Variants in PCDHGB4 observed in about 807,000 individuals in gnomAD.
PCDHGB4 encodes protocadherin gamma-B4.
PCDHGB4 carries 38 observed loss-of-function variants against 60.5 expected under a neutral mutation model. The observed-to-expected ratio is 0.63, with a 90% CI of 0.48 to 0.82. PCDHGB4 has a LOEUF of 0.82. PCDHGB4 is among the 40% of genes least tolerant of loss of function. The probability of loss-of-function intolerance (pLI) is 0.00; values close to 1 mark genes in which losing one functional copy is unlikely to be tolerated. For synonymous variants in PCDHGB4, 456 were observed against 509.7 expected, an observed-to-expected ratio of 0.89 and a Z score of 1.42; for missense variants, 1,109 against 1,209.6, an observed-to-expected ratio of 0.92 and a Z score of 1.23.
intron 1 of PCDHGB4, chr5:141,409,073 A>G (rs200127436): frequency 6.2e-7 from 1 of 1,613,866 alleles, no homozygotes. Context: ...CACAAAACAT[A>G]TGTTCTCATT....
Position 141,400,130 on chromosome 5 carries a change from T to C in PCDHGB4, c.2397+9849T>C, listed in dbSNP as rs369250985. On this transcript the variant is annotated intron_variant, in intron 1 of 3. Transcript: ENST00000519479. ...TTTGCTGACAGCTTGCAGGAGGTGC[T>C]GCCGGATATCACTGACCGCCCTGTA... is the stretch of plus-strand genomic sequence containing the variant. The C allele has an allele frequency of 1.9e-6, 3 of 1,613,954 alleles. No individual in the cohort carries two copies. The African/African-American group carries it at 4.0e-5, about 22-fold the overall frequency.
intron 1 of PCDHGB4, chr5:141,411,948 G>A (rs2095525022): frequency 1.3e-5 from 2 of 152,152 alleles, no homozygotes. Flanking sequence ...GAAGATTTTT[G>A]AAGAAAAAAG....
intron 1 of PCDHGB4, chr5:141,408,721 C>T (rs994778084): frequency 6.2e-7 from 1 of 1,611,372 alleles, no homozygotes; most frequent in Non-Finnish European, 8.5e-7. Flanking sequence ...ATAAGATAAA[C>T]TCTAATCCTT....
At chr5:141,398,963 ATTCCT>A in intron 1 of PCDHGB4, 1 of 1,613,976 alleles carries the variant, frequency 6.2e-7, no homozygotes, top group Non-Finnish European at 8.5e-7. Flanking sequence ...GAAATTACTT[ATTCCT>A]TCTACAGAAC....
intron 1 of PCDHGB4, among the ~76,000 whole-genome samples, chr5:141,435,605 C>T (rs776926758): frequency 1.1e-4 from 17 of 152,134 alleles, no homozygotes; most frequent in Non-Finnish European, 1.9e-4. Flanking sequence ...CTGCTTTTTA[C>T]ATTAAATTCC....
rs553462245 is a variant in PCDHGB4 at position 141,511,198 on chromosome 5, A to T, written c.*25A>T. Reference sequence around the variant, plus strand: ...ACATGGAGGCCAGGCCAAGAGCCACAGGGCGGCCTCTCCCCAACCAGCCCA... The same window carrying T: ...ACATGGAGGCCAGGCCAAGAGCCACTGGGCGGCCTCTCCCCAACCAGCCCA... On this transcript the variant is annotated 3_prime_UTR_variant, in exon 4 of 4. Transcript: ENST00000519479. The T allele has an allele frequency of 2.7e-5, 43 of 1,612,954 alleles. 1 individual carries two copies. The South Asian group carries it at 4.5e-4, about 17-fold the overall frequency.
At chr5:141,400,242 G>A (rs757952126) in intron 1 of PCDHGB4, 14 of 1,613,894 alleles carry the variant, frequency 8.7e-6, no homozygotes, top group Middle Eastern at 1.6e-4. Context: ...CCGTGATTCT[G>A]GCCGTTGCCT....
chr5:141,392,892 G>C, intron 1 of PCDHGB4: 1 of 1,613,702 alleles, frequency 6.2e-7, no homozygotes, highest in East Asian at 2.2e-5. Flanking sequence ...GTGGGAAATC[G>C]GGAGGGGACA....
At position 141,486,579 on chromosome 5, in the gene PCDHGB4, G is replaced by A. The variant is rs747583158; in HGVS notation, c.2398-8228G>A. On this transcript the variant is annotated intron_variant, in intron 1 of 3. Coordinates refer to ENST00000519479, the MANE Select transcript of PCDHGB4 (RefSeq NM_003736.4). The surrounding 1 kb of genome is among the most constrained non-coding windows in gnomAD (Gnocchi z 5.0). ...GAGGTGTTTGTTCCTGAGAACAATC[G>A]CCCAGGGGACCTGCTTTGCTCCCTT... is the stretch of plus-strand genomic sequence containing the variant. The A allele has an allele frequency of 5.1e-5, 82 of 1,613,426 alleles. No homozygotes were observed. Among genetic ancestry groups the A allele is most frequent in the South Asian group, 2.2e-4 (20 of 91,084 alleles).
chr5:141,421,812 A>T, intron 1 of PCDHGB4: 1 of 1,613,822 alleles, frequency 6.2e-7, no homozygotes, highest in Non-Finnish European at 8.5e-7. Context: ...ATCCAGAGCT[A>T]GTACTGGAGG....
At chr5:141,413,979 C>T in intron 1 of PCDHGB4, 1 of 1,613,394 alleles carries the variant, frequency 6.2e-7, no homozygotes, top group Non-Finnish European at 8.5e-7. Flanking sequence ...TGCTGACAGT[C>T]ACAGCCACCG....
Position 141,477,818 on chromosome 5 carries a change from C to T in PCDHGB4, c.2398-16989C>T, listed in dbSNP as rs202009040. 33 of 1,614,040 alleles carry T rather than the reference C, an allele frequency of 2.0e-5. No homozygotes were observed. The highest frequency in any genetic ancestry group is 1.3e-4 in the Admixed American group (8 of 60,006). On this transcript the variant is annotated intron_variant, in intron 1 of 3. Transcript: ENST00000519479. This position sits in a 1 kb window ranked among gnomAD's most constrained non-coding sequence, Gnocchi z 4.9. ...TCGCAATGACAATGCCCCCCAGGTCCTATATCCTCGGCCAGGTGGGAGCTC... is the reference window on the plus strand; with the variant it reads ...TCGCAATGACAATGCCCCCCAGGTCTTATATCCTCGGCCAGGTGGGAGCTC...
intron 1 of PCDHGB4, chr5:141,408,653 C>T (rs1589679123): frequency 6.2e-7 from 1 of 1,613,982 alleles, no homozygotes; most frequent in African/African-American, 1.3e-5. Context: ...CGCTGGTACA[C>T]GACTATCGCT....
At chr5:141,502,781 C>G (rs1360359268) in intron 2 of PCDHGB4, among the ~76,000 whole-genome samples, 2 of 151,658 alleles carry the variant, frequency 1.3e-5, no homozygotes, top group Non-Finnish European at 2.9e-5. Flanking sequence ...TGAAAATTAC[C>G]TGGATGATTT....
chr5:141,431,724 T>G lies in PCDHGB4; in HGVS notation c.2397+41443T>G, dbSNP rs758754345. On this transcript the variant is annotated intron_variant, in intron 1 of 3. Transcript: ENST00000519479. The surrounding 1 kb of genome is among the most constrained non-coding windows in gnomAD (Gnocchi z 4.8). ...TTCTACCAGATGGAAGTGCAAGCAA[T>G]GGATAATGCAGGATATTCTGCGCGA... 1 of 1,614,036 alleles carries G rather than the reference T, an allele frequency of 6.2e-7. No individual in the cohort carries two copies. Among genetic ancestry groups the G allele is most frequent in the Non-Finnish European group, 8.5e-7 (1 of 1,180,036 alleles).
intron 1 of PCDHGB4, among the ~76,000 whole-genome samples, chr5:141,396,932 T>C (rs2093455423): frequency 6.6e-6 from 1 of 152,230 alleles, no homozygotes; most frequent in Non-Finnish European, 1.5e-5. Flanking sequence ...CGGATGAAAG[T>C]TGCCCTGGTA....
chr5:141,396,922 C>T lies in PCDHGB4; in HGVS notation c.2397+6641C>T, dbSNP rs576253766. Among the ~76,000 whole-genome samples, 68 of 152,290 alleles carry T rather than the reference C, an allele frequency of 4.5e-4. 1 individual carries two copies. The highest frequency in any genetic ancestry group is 1.5e-3 in the African/African-American group (61 of 41,560). ...TTGGCACTTTGCAATTTTAAAAACT[C>T]GGATGAAAGTTGCCCTGGTAGGAAA... On this transcript the variant is annotated intron_variant, in intron 1 of 3. Transcript: ENST00000519479.
Position 141,491,531 on chromosome 5 carries a change from T to G in PCDHGB4, c.2398-3276T>G, listed in dbSNP as rs532897059. On this transcript the variant is annotated intron_variant, in intron 1 of 3. Coordinates refer to ENST00000519479, the MANE Select transcript of PCDHGB4 (RefSeq NM_003736.4). This position sits in a 1 kb window ranked among gnomAD's most constrained non-coding sequence, Gnocchi z 6.9. ...ACGCTCAAGTACATGGAGGTGACGC[T>G]GCGGCCCACAGACTCGCAGAGCCAC... The G allele has an allele frequency of 6.2e-7, 1 of 1,614,044 alleles. No homozygotes were observed. The highest frequency in any genetic ancestry group is 1.7e-5 in the Admixed American group (1 of 60,028).
chr5:141,390,231 T>C lies in PCDHGB4; in HGVS notation c.2347T>C (p.Ser783Pro). 1 of 1,614,086 alleles carries C rather than the reference T, an allele frequency of 6.2e-7. No individual in the cohort carries two copies. The highest frequency in any genetic ancestry group is 1.1e-5 in the South Asian group (1 of 91,084). Residue 783 changes from serine to proline, a missense_variant, in exon 1 of 4, where the codon TCT becomes CCT. Around this residue, in one of 2 missense-constraint regions of PCDHGB4, gnomAD observed 1,068 missense variants for 1,089.9 expected, o/e 0.98. Transcript: ENST00000519479. ...SGQDILCGDS[S>P]GALFPLCNSS... is the part of the protein sequence containing the mutation. The stretch of plus-strand genomic sequence containing the variant: ...ACAAGACATACTTTGCGGTGATTCA[T>C]CTGGGGCCTTATTTCCACTTTGTAA...
Sources: allele counts gnomAD v4.1 joint callset (sites outside exome capture counted in the v4.1 genomes callset), GRCh38; gene constraint gnomAD v4.1.1; regional missense constraint gnomAD v4.1.1; non-coding constraint Gnocchi (gnomAD v3.1); transcripts MANE v1.5; gene names NCBI Gene and HGNC (gene_info 2026-07-23, HGNC 2026-07-21).